The following PARVB variants were observed in gnomAD, a reference collection of about 807,000 sequenced individuals.
PARVB encodes beta-parvin.
Under a neutral mutation model 47.0 loss-of-function variants are expected in PARVB, and 46 were observed. The observed-to-expected ratio is 0.98, with a 90% CI of 0.77 to 1.25. PARVB has a LOEUF of 1.25. Among genes scored for constraint, PARVB ranks in the 50% most tolerant of loss-of-function variants. The probability of loss-of-function intolerance (pLI) is 0.00; values close to 1 mark genes in which losing one functional copy is unlikely to be tolerated. For missense variants in PARVB, 473 were observed against 471.6 expected, an observed-to-expected ratio of 1.00 and a Z score of -0.03; for synonymous variants, 196 against 196.3, an observed-to-expected ratio of 1.00 and a Z score of 0.01.
At chr22:43,999,664 C>G in exon 2 of PARVB, 1 of 1,612,488 alleles carries the variant, frequency 6.2e-7, no homozygotes, top group Non-Finnish European at 8.5e-7. Flanking sequence ...TGAATATGCT[C>G]AAGGAGGAGG....
rs2053084200 is a variant in PARVB, at chr22:44,122,544, GAGAGAGAGACACAGAGAC to G, written c.376+3414_376+3431del. 7.4e-4 allele frequency among the ~76,000 whole-genome samples: 72 copies of G among 96,904 alleles called. 2 individuals carry two copies. The highest frequency in any genetic ancestry group is 1.3e-3 in the African/African-American group (25 of 19,486). 63.6% of individuals were successfully genotyped at this position (96,904 alleles called of 152,430 possible). The stretch of plus-strand genomic sequence containing the variant: ...ACAGAGAGACAGAGAGAGAGAGAGA[GAGAGAGAGACACAGAGAC>G]AGAGAGAGAGAGAGAGAGAGAGAGA... On this transcript the variant is annotated intron_variant, in intron 4 of 12. Transcript: ENST00000338758.
At chr22:44,142,651 A>G (rs530677721) in intron 8 of PARVB, 1 of 152,260 alleles carries the variant, frequency 6.6e-6, no homozygotes, top group East Asian at 1.9e-4. Context: ...TGGCTGGGGC[A>G]GTGGCTCCCT....
At chr22:44,123,436 C>T (rs539989881) in intron 4 of PARVB, among the ~76,000 whole-genome samples, 12 of 152,192 alleles carry the variant, frequency 7.9e-5, no homozygotes, top group Admixed American at 1.3e-4. Context: ...CTTTTCAAGA[C>T]AGGGTCTCAC....
At chr22:44,128,323 T>C (rs909384390) in intron 4 of PARVB, among the ~76,000 whole-genome samples, 1 of 152,228 alleles carries the variant, frequency 6.6e-6, no homozygotes, top group African/African-American at 2.4e-5. Flanking sequence ...AACCCCCATG[T>C]GGCCATCACT....
At chr22:44,017,365 A>G (rs2050594637) in intron 2 of PARVB, among the ~76,000 whole-genome samples, 1 of 152,206 alleles carries the variant, frequency 6.6e-6, no homozygotes, top group Non-Finnish European at 1.5e-5. Flanking sequence ...AGAAGGCCCT[A>G]TTTACATGGG....
intron 4 of PARVB, among the ~76,000 whole-genome samples, chr22:44,129,032 G>A (rs745848452): frequency 6.6e-5 from 10 of 152,046 alleles, no homozygotes; most frequent in Non-Finnish European, 1.3e-4. Flanking sequence ...GAGCTGAGAT[G>A]GTGCCATTGC....
chr22:43,999,238 C>G (rs768058395), exon 1 of PARVB: 13 of 910,318 alleles, frequency 1.4e-5, no homozygotes, highest in Non-Finnish European at 2.1e-5. Context: ...GACGTCCTCC[C>G]CATCTCCGGC....
intron 3 of PARVB, among the ~76,000 whole-genome samples, chr22:44,118,803 G>A (rs921579644): frequency 6.6e-6 from 1 of 152,166 alleles, no homozygotes; most frequent in South Asian, 2.1e-4. Context: ...CGCTTGCTCT[G>A]GTTCTGGCGG....
chr22:44,035,598 C>T (rs2146904507), intron 1 of PARVB, among the ~76,000 whole-genome samples: 1 of 151,896 alleles, frequency 6.6e-6, no homozygotes, highest in East Asian at 1.9e-4. Context: ...GTCTCGATCT[C>T]CTGACCTTGT....
At chr22:44,086,095 C>G (rs2147019609) in intron 1 of PARVB, among the ~76,000 whole-genome samples, 1 of 152,280 alleles carries the variant, frequency 6.6e-6, no homozygotes, top group Non-Finnish European at 1.5e-5. Flanking sequence ...AGTCACGGGG[C>G]TTTCTTACTC....
chr22:44,006,573 C>T (rs538294168), intron 2 of PARVB, among the ~76,000 whole-genome samples: 6 of 152,224 alleles, frequency 3.9e-5, no homozygotes, highest in African/African-American at 9.6e-5. Context: ...TGCAGTGAGC[C>T]GAGATCGTGC....
At chr22:44,126,819 A>G (rs1278541094) in intron 4 of PARVB, among the ~76,000 whole-genome samples, 1 of 152,170 alleles carries the variant, frequency 6.6e-6, no homozygotes, top group Non-Finnish European at 1.5e-5. Flanking sequence ...ATGACTTGAA[A>G]CAGTATGTCA....
intron 1 of PARVB, among the ~76,000 whole-genome samples, chr22:44,044,143 C>T (rs1174641851): frequency 2.0e-5 from 3 of 151,910 alleles, no homozygotes; most frequent in Non-Finnish European, 2.9e-5. Context: ...TCTTAGGGGC[C>T]CACAAATGGT....
intron 4 of PARVB, among the ~76,000 whole-genome samples, chr22:44,122,586 G>GAGAGAGAGAGAGAGAGAC (rs2053093140): frequency 7.5e-6 from 1 of 134,220 alleles, no homozygotes; most frequent in African/African-American, 3.1e-5. Context: ...GAGAGAGAGA[G>GAGAGAGAGAGAGAGAGAC]AGAGAGAGAG....
At chr22:44,092,399 G>A (rs116874749) in intron 1 of PARVB, among the ~76,000 whole-genome samples, 9,098 of 152,242 alleles carry the variant, frequency 0.06, 310 homozygotes, top group Middle Eastern at 0.11. Flanking sequence ...GTGAGCCACC[G>A]CACCCGACCT....
At chr22:44,006,183 G>A (rs933355378) in intron 2 of PARVB, among the ~76,000 whole-genome samples, 1 of 152,208 alleles carries the variant, frequency 6.6e-6, no homozygotes, top group Non-Finnish European at 1.5e-5. Context: ...GGGCTCAAGT[G>A]ATGCTCCTGC....
chr22:44,052,363 G>A (rs1002355331), intron 1 of PARVB, among the ~76,000 whole-genome samples: 2 of 152,190 alleles, frequency 1.3e-5, no homozygotes, highest in Non-Finnish European at 2.9e-5. Context: ...GGAGAAAGAA[G>A]GCCCGGGCCT....
At chr22:44,097,422 G>T (rs1232270636) in intron 2 of PARVB, among the ~76,000 whole-genome samples, 1 of 152,220 alleles carries the variant, frequency 6.6e-6, no homozygotes, top group East Asian at 1.9e-4. Flanking sequence ...GGGCCATGAT[G>T]TGCAGTGGCC....
chr22:44,140,832 A>C, intron 8 of PARVB: 2 of 244,704 alleles, frequency 8.2e-6, no homozygotes, highest in Non-Finnish European at 8.4e-6. Flanking sequence ...AGAGGTAATC[A>C]CTCTCTCTTC....
Sources: allele counts gnomAD v4.1 joint callset (sites outside exome capture counted in the v4.1 genomes callset), GRCh38; gene constraint gnomAD v4.1.1; transcripts MANE v1.5; gene names NCBI Gene and HGNC (gene_info 2026-07-23, HGNC 2026-07-21).